MTUS2: variants seen among roughly 807,000 people sequenced by gnomAD.
MTUS2 encodes microtubule associated scaffold protein 2, also known as microtubule-associated tumor suppressor candidate 2.
Under a neutral mutation model 114.1 loss-of-function variants are expected in MTUS2, and 40 were observed. That is an observed-to-expected ratio of 0.35 (90% CI 0.27 to 0.46). The LOEUF (loss-of-function observed/expected upper bound fraction) is 0.46. Among genes scored for constraint, MTUS2 ranks in the 20% least tolerant of loss-of-function variants. The pLI is 1.00. For missense variants in MTUS2, 1,679 were observed against 1,705.4 expected, an observed-to-expected ratio of 0.98 and a Z score of 0.27; for synonymous variants, 688 against 672.0, an observed-to-expected ratio of 1.02 and a Z score of -0.37.
intron 2 of MTUS2, among the ~76,000 whole-genome samples, chr13:28,994,749 T>G (rs1338181632): frequency 2.0e-5 from 3 of 152,122 alleles, no homozygotes; most frequent in Non-Finnish European, 2.9e-5. Flanking sequence ...GATGGGGTTG[T>G]TTGTTTTTTT....
At chr13:29,414,468 TAA>T (rs67181675) in intron 8 of MTUS2, among the ~76,000 whole-genome samples, 45,513 of 126,812 alleles carry the variant, frequency 0.36, 8,098 homozygotes, top group African/African-American at 0.47. Flanking sequence ...AAAAAAAAAT[TAA>T]AAAAAAAAAA....
chr13:29,459,066 C>A (rs1879307067), intron 9 of MTUS2, among the ~76,000 whole-genome samples: 1 of 151,964 alleles, frequency 6.6e-6, no homozygotes, highest in African/African-American at 2.4e-5. Context: ...CCTGTATGAT[C>A]TAGAAGTTGC....
chr13:28,964,589 T>C (rs1245263648), intron 2 of MTUS2, among the ~76,000 whole-genome samples: 1 of 151,678 alleles, frequency 6.6e-6, no homozygotes, highest in African/African-American at 2.4e-5. Context: ...ATTGCAGGTG[T>C]GTCTGCAGAG....
intron 2 of MTUS2, among the ~76,000 whole-genome samples, chr13:28,995,084 G>A (rs2138354106): frequency 6.6e-6 from 1 of 152,332 alleles, no homozygotes; most frequent in South Asian, 2.1e-4. Context: ...TGTATAAGGT[G>A]TAAGGAAGGG....
chr13:29,466,773 C>A (rs1056367434), intron 9 of MTUS2, among the ~76,000 whole-genome samples: 1 of 149,854 alleles, frequency 6.7e-6, no homozygotes, highest in African/African-American at 2.5e-5. Context: ...GCTACTAGGG[C>A]AGCTGGAGTG....
intron 1 of MTUS2, among the ~76,000 whole-genome samples, chr13:28,832,100 G>T (rs1424284804): frequency 6.6e-6 from 1 of 152,118 alleles, no homozygotes; most frequent in Non-Finnish European, 1.5e-5. Flanking sequence ...TGAAACAGAA[G>T]ATCTTATTTT....
At chr13:28,865,977 T>A (rs1237335250) in intron 2 of MTUS2, among the ~76,000 whole-genome samples, 1 of 152,228 alleles carries the variant, frequency 6.6e-6, no homozygotes, top group African/African-American at 2.4e-5. Context: ...TTTCTACTTT[T>A]CTTCATTTCA....
rs1432428148 is a variant in MTUS2, at chr13:29,496,684, C to T, written c.3580-554C>T. ...GCCAGGAAGGAGCCGGCAGAGTGGC[C>T]TGAGCTCAGGGGACTCTGTGGGTTC... On this transcript the variant is annotated intron_variant, in intron 12 of 15. Transcript: ENST00000612955. The surrounding 1 kb of genome is among the most constrained non-coding windows in gnomAD (Gnocchi z 4.3). 6.6e-6 allele frequency among the ~76,000 whole-genome samples: 1 copy of T among 152,098 alleles called. No homozygotes were observed. Among genetic ancestry groups the T allele is most frequent in the Admixed American group, 6.5e-5 (1 of 15,272 alleles).
intron 11 of MTUS2, among the ~76,000 whole-genome samples, chr13:29,488,598 C>G (rs1881820129): frequency 6.6e-6 from 1 of 151,970 alleles, no homozygotes; most frequent in South Asian, 2.1e-4. Context: ...TTACAGGTGC[C>G]CACTACCACA....
intron 5 of MTUS2, among the ~76,000 whole-genome samples, chr13:29,155,229 T>C (rs1892811244): frequency 6.6e-6 from 1 of 152,216 alleles, no homozygotes; most frequent in African/African-American, 2.4e-5. Flanking sequence ...TTCTCAGCCT[T>C]GAAGAGATGC....
intron 8 of MTUS2, among the ~76,000 whole-genome samples, chr13:29,385,115 T>C (rs2138385470): frequency 6.6e-6 from 1 of 152,294 alleles, no homozygotes; most frequent in African/African-American, 2.4e-5. Context: ...CTCCAGTTGT[T>C]GGTACAAGAT....
At chr13:28,850,487 A>AT (rs1876195596) in intron 2 of MTUS2, among the ~76,000 whole-genome samples, 1 of 152,220 alleles carries the variant, frequency 6.6e-6, no homozygotes, top group Admixed American at 6.5e-5. Flanking sequence ...CTCTCTCTAG[A>AT]TTCAACCCAG....
chr13:28,856,960 C>T (rs1050040773), intron 2 of MTUS2, among the ~76,000 whole-genome samples: 1 of 152,038 alleles, frequency 6.6e-6, no homozygotes, highest in Non-Finnish European at 1.5e-5. Context: ...GTGTTGCTAA[C>T]ACAACTTCGT....
At chr13:28,854,114 C>T (rs1226079954) in intron 2 of MTUS2, among the ~76,000 whole-genome samples, 1 of 152,184 alleles carries the variant, frequency 6.6e-6, no homozygotes, top group Non-Finnish European at 1.5e-5. Context: ...GAGGCATCAG[C>T]TGGGAACCTT....
intron 5 of MTUS2, among the ~76,000 whole-genome samples, chr13:29,205,825 A>C (rs1216723528): frequency 6.6e-6 from 1 of 152,120 alleles, no homozygotes; most frequent in Non-Finnish European, 1.5e-5. Flanking sequence ...GACATTTGGG[A>C]TGATTCCATA....
intron 5 of MTUS2, among the ~76,000 whole-genome samples, chr13:29,189,286 G>T (rs941848637): frequency 2.0e-5 from 3 of 152,136 alleles, no homozygotes; most frequent in African/African-American, 7.2e-5. Context: ...GTATCTTCAG[G>T]GGATAGAAAA....
chr13:29,174,041 A>C (rs1349390335), intron 5 of MTUS2, among the ~76,000 whole-genome samples: 2 of 152,146 alleles, frequency 1.3e-5, no homozygotes, highest in Non-Finnish European at 2.9e-5. Flanking sequence ...TTGCAAAGGG[A>C]GTCTGATTTC....
At chr13:29,019,086 G>C (rs1566296137) in intron 2 of MTUS2, among the ~76,000 whole-genome samples, 1 of 152,054 alleles carries the variant, frequency 6.6e-6, no homozygotes, top group South Asian at 2.1e-4. Flanking sequence ...TCATTTTCTT[G>C]TCTTTCTTCA....
In MTUS2 at chr13:28,844,607, G is replaced by GTGTGTGTGTGTA. The variant is rs1318153585; in HGVS notation, c.-243+4762_-243+4763insGTGTGTATGTGT. ...TGTGTGTGAGTGTGTGTGTGTGTGT[G>GTGTGTGTGTGTA]TGTGTATGTGTGTGTGTGAGAGAGA... On this transcript the variant is annotated intron_variant, in intron 2 of 15. Coordinates refer to ENST00000612955, the MANE Select transcript of MTUS2 (RefSeq NM_001033602.4). 9.9e-5 allele frequency among the ~76,000 whole-genome samples: 15 copies of GTGTGTGTGTGTA among 151,892 alleles called. 1 individual carries two copies. In the South Asian group the frequency reaches 3.1e-3, roughly 32 times the overall value.
Sources: gnomAD v4.1 joint callset for allele counts (sites outside exome capture counted in the v4.1 genomes callset) on GRCh38, gnomAD v4.1.1 for gene constraint, Gnocchi (gnomAD v3.1) non-coding constraint, MANE v1.5 for transcripts, NCBI Gene and HGNC (gene_info 2026-07-23, HGNC 2026-07-21) for gene names.